The following MAP4K5 variants were observed in gnomAD, a reference collection of about 807,000 sequenced individuals.
MAP4K5 encodes the protein mitogen-activated protein kinase kinase kinase kinase 5.
In MAP4K5, 82 loss-of-function variants were observed where a neutral mutation model predicts 135.6. That is an observed-to-expected ratio of 0.60 (90% CI 0.51 to 0.73). The LOEUF is 0.73. Ranked by LOEUF, MAP4K5 falls within the 30% of genes least tolerant of loss-of-function variation. MAP4K5 has a pLI of 0.00. For missense variants in MAP4K5, 907 were observed against 1,010.9 expected, an observed-to-expected ratio of 0.90 and a Z score of 1.39; for synonymous variants, 347 against 335.0, an observed-to-expected ratio of 1.04 and a Z score of -0.39.
At chr14:50,451,247 A>G (rs917138070) in intron 14 of MAP4K5, among the ~76,000 whole-genome samples, 3 of 151,930 alleles carry the variant, frequency 2.0e-5, no homozygotes, top group Non-Finnish European at 4.4e-5. Context: ...ACAAAACTGA[A>G]GTACAGTGAA....
chr14:50,545,813 GTT>G (rs1172461478), intron 1 of MAP4K5, among the ~76,000 whole-genome samples: 1 of 152,158 alleles, frequency 6.6e-6, no homozygotes, highest in Non-Finnish European at 1.5e-5. Flanking sequence ...GGCATGCCAG[GTT>G]TTCTAGGACG....
intron 3 of MAP4K5, among the ~76,000 whole-genome samples, chr14:50,489,333 G>C (rs543663793): frequency 6.6e-6 from 1 of 152,184 alleles, no homozygotes; most frequent in African/African-American, 2.4e-5. Flanking sequence ...GGGGAACAGA[G>C]TGAGAGTCTG....
intron 32 of MAP4K5, among the ~76,000 whole-genome samples, chr14:50,422,257 C>T (rs1018876689): frequency 2.0e-5 from 3 of 152,152 alleles, no homozygotes; most frequent in Non-Finnish European, 4.4e-5. Flanking sequence ...GGACGACTTA[C>T]TAAGTTGCCA....
At chr14:50,438,158 C>A in intron 23 of MAP4K5, 64 bp from the exon 24 acceptor site, 1 of 680,392 alleles carries the variant, frequency 1.5e-6, no homozygotes, top group South Asian at 1.6e-5. Flanking sequence ...CACAAAAAAA[C>A]CCTCAGTTAA....
intron 2 of MAP4K5, among the ~76,000 whole-genome samples, chr14:50,515,858 T>C (rs994740842): frequency 6.6e-6 from 1 of 152,126 alleles, no homozygotes; most frequent in Admixed American, 6.5e-5. Context: ...CTAGGGCACA[T>C]CTCTCTCCTC....
intron 3 of MAP4K5, among the ~76,000 whole-genome samples, chr14:50,491,809 C>T (rs1170399316): frequency 1.3e-5 from 2 of 151,950 alleles, no homozygotes; most frequent in Non-Finnish European, 2.9e-5. Context: ...CCTCAGCCTC[C>T]TAAGTAGCTG....
chr14:50,507,795 G>A (rs1237116667), intron 2 of MAP4K5, among the ~76,000 whole-genome samples: 6 of 152,154 alleles, frequency 3.9e-5, no homozygotes, highest in African/African-American at 1.4e-4. Flanking sequence ...GAATAAGTGC[G>A]ATGTGGTGCT....
chr14:50,521,120 CAA>C (rs1373581077), intron 2 of MAP4K5, among the ~76,000 whole-genome samples: 1 of 152,062 alleles, frequency 6.6e-6, no homozygotes, highest in African/African-American at 2.4e-5. Context: ...CACACCCGGG[CAA>C]AGTCATTTTG....
rs547687431 is a variant in MAP4K5 at position 50,516,095 on chromosome 14, T to C, written c.109-11238A>G. Among the ~76,000 whole-genome samples, 3 of 152,372 alleles carry C rather than the reference T, an allele frequency of 2.0e-5. No homozygotes were observed. In the South Asian group the frequency reaches 6.2e-4, roughly 32 times the overall value. ...TCACATCTGACATATCAGCAAATCC[T>C]GACAGCTTAAACTTATAAGCCAAAT... On this transcript the variant is annotated intron_variant, in intron 2 of 32. Transcript: ENST00000682126.
intron 2 of MAP4K5, among the ~76,000 whole-genome samples, chr14:50,523,590 C>T (rs1045160993): frequency 6.6e-6 from 1 of 152,168 alleles, no homozygotes; most frequent in Admixed American, 6.5e-5. Flanking sequence ...TATATAATTC[C>T]CCAACCTGCC....
chr14:50,505,135 G>A (rs958521781), intron 2 of MAP4K5: 1 of 267,992 alleles, frequency 3.7e-6, no homozygotes, highest in African/African-American at 2.2e-5. Flanking sequence ...TCAGCCTCGG[G>A]TTAGTTAATA....
chr14:50,434,157 A>ATTTT (rs2036036079), intron 28 of MAP4K5, among the ~76,000 whole-genome samples: 1 of 152,172 alleles, frequency 6.6e-6, no homozygotes, highest in Non-Finnish European at 1.5e-5. Context: ...AAGAACTAAG[A>ATTTT]CTTTTCACTG....
chr14:50,467,774 A>G (rs1222167835), intron 10 of MAP4K5, among the ~76,000 whole-genome samples: 1 of 152,126 alleles, frequency 6.6e-6, no homozygotes, highest in Non-Finnish European at 1.5e-5. Flanking sequence ...TCTAGCTAAA[A>G]GTAGGTATCT....
rs1436938701 is a variant in MAP4K5, at chr14:50,525,070, A to T, written c.108+6872T>A. Among the ~76,000 whole-genome samples, 4 of 152,204 alleles carry T rather than the reference A, an allele frequency of 2.6e-5. 1 individual carries two copies. The South Asian group carries it at 6.2e-4, about 24-fold the overall frequency. On this transcript the variant is annotated intron_variant, in intron 2 of 32. Transcript: ENST00000682126. The stretch of plus-strand genomic sequence containing the variant: ...TACAGCCTTTCCTCAGCTCTCCTAC[A>T]AACTCTCCTGGGTGACCTCACCTAT...
chr14:50,552,553 C>T (rs146915429), intron 1 of MAP4K5, among the ~76,000 whole-genome samples: 93 of 152,128 alleles, frequency 6.1e-4, no homozygotes, highest in African/African-American at 2.0e-3. Context: ...GCCCACATAG[C>T]CAAAGCAGTA....
chr14:50,488,394 T>C (rs914044641), intron 3 of MAP4K5, among the ~76,000 whole-genome samples: 6 of 152,178 alleles, frequency 3.9e-5, no homozygotes, highest in Admixed American at 1.3e-4. Context: ...CATATCAATA[T>C]GTTATTCTTT....
At chr14:50,476,437 A>G (rs1006364872) in intron 6 of MAP4K5, 131 bp from the exon 7 acceptor site, 1 of 482,692 alleles carries the variant, frequency 2.1e-6, no homozygotes, top group Non-Finnish European at 3.6e-6. Context: ...AAACCTAGAT[A>G]AGTAAATCAA....
chr14:50,503,795 A>T (rs2037755039), intron 3 of MAP4K5, among the ~76,000 whole-genome samples: 1 of 152,098 alleles, frequency 6.6e-6, no homozygotes, highest in Non-Finnish European at 1.5e-5. Context: ...ACACGCCAGT[A>T]CCTGGACATA....
chr14:50,527,761 C>T (rs7149017), intron 2 of MAP4K5, among the ~76,000 whole-genome samples: 1 of 151,678 alleles, frequency 6.6e-6, no homozygotes, highest in East Asian at 1.9e-4. Flanking sequence ...AGCAATAAAG[C>T]TTAGAAAAAA....
Sources: allele counts gnomAD v4.1 joint callset (sites outside exome capture counted in the v4.1 genomes callset), GRCh38; gene constraint gnomAD v4.1.1; transcripts MANE v1.5; gene names NCBI Gene and HGNC (gene_info 2026-07-23, HGNC 2026-07-21).